Variants in NKIRAS1 observed in about 807,000 individuals in gnomAD.
NKIRAS1 encodes the protein NFKB inhibitor interacting Ras like 1.
A neutral mutation model predicts 19.8 loss-of-function variants in NKIRAS1; 16 were observed. That is an observed-to-expected ratio of 0.81 (90% CI 0.55 to 1.23). The LOEUF (loss-of-function observed/expected upper bound fraction) is 1.23, where lower values mean the gene tolerates loss of function less well. NKIRAS1 is among the 50% of genes most tolerant of loss of function. The pLI is 0.00. For synonymous variants in NKIRAS1, 88 were observed against 79.0 expected (o/e 1.11, Z -0.61); for missense variants, 184 against 220.0 (o/e 0.84, Z 1.04).
At chr3:23,946,045 G>T in intron 1 of NKIRAS1, 4 of 952,066 alleles carry the variant, frequency 4.2e-6, no homozygotes, top group South Asian at 9.7e-5. Context: ...GCGCGCGCGC[G>T]CTGGCTGGGA....
chr3:23,926,499 CTCT>C lies in NKIRAS1; in HGVS notation c.-139-15052_-139-15050del. Among the ~76,000 whole-genome samples the C allele has an allele frequency of 6.6e-6, 1 of 151,392 alleles. No individual in the cohort carries two copies. Among genetic ancestry groups the C allele is most frequent in the South Asian group, 2.1e-4 (1 of 4,792 alleles). On this transcript the variant is annotated intron_variant, in intron 1 of 4. Transcript: ENST00000421515. The surrounding 1 kb of genome is among the most constrained non-coding windows in gnomAD (Gnocchi z 4.3). Reference sequence around the variant, plus strand: ...CTTTCTCTCCTTCTCTTTCCTCTTCCTCTTCTTCCTCTTCTTTTTTTTTGTGTC... The same window carrying C: ...CTTTCTCTCCTTCTCTTTCCTCTTCCTCTTCCTCTTCTTTTTTTTTGTGTC...
intron 1 of NKIRAS1, among the ~76,000 whole-genome samples, chr3:23,928,788 A>G (rs1016849169): frequency 1.3e-5 from 2 of 151,324 alleles, no homozygotes; most frequent in Non-Finnish European, 2.9e-5. Flanking sequence ...GCTCAGGAGT[A>G]CAAGACCTGC....
chr3:23,936,789 G>A (rs1294528576), intron 1 of NKIRAS1, among the ~76,000 whole-genome samples: 21 of 152,248 alleles, frequency 1.4e-4, no homozygotes, highest in African/African-American at 4.8e-4. Flanking sequence ...CTTGTGATCC[G>A]CCTGCCTCGG....
upstream of NKIRAS1, chr3:23,920,038 G>A (rs755818088): frequency 1.7e-5 from 17 of 986,184 alleles, no homozygotes; most frequent in Non-Finnish European, 1.9e-5. Context: ...TGGCTTCATG[G>A]CATTCAGTGA....
At chr3:23,932,710 T>G (rs895590630) in intron 1 of NKIRAS1, among the ~76,000 whole-genome samples, 5 of 145,574 alleles carry the variant, frequency 3.4e-5, no homozygotes, top group Admixed American at 3.4e-4. Context: ...AAAAAAAAAG[T>G]AACTTCTATA....
chr3:23,933,513 C>T (rs889560852), intron 1 of NKIRAS1, among the ~76,000 whole-genome samples: 2 of 152,170 alleles, frequency 1.3e-5, no homozygotes, highest in Admixed American at 6.5e-5. Context: ...AATTGTCCAG[C>T]CCAAAATGTC....
chr3:23,911,953 G>A lies in NKIRAS1; in HGVS notation c.-139-503C>T, dbSNP rs1011160138. Among the ~76,000 whole-genome samples the A allele has an allele frequency of 3.9e-5, 6 of 151,958 alleles. No individual in the cohort carries two copies. The East Asian group carries it at 5.8e-4, about 15-fold the overall frequency. On this transcript the variant is annotated intron_variant, in intron 1 of 4. Coordinates refer to ENST00000425478, the MANE Select transcript of NKIRAS1 (RefSeq NM_020345.4). ...AAATTTTTGTATTTTTAGTAGAGACGGGGTTTCACTATGTTGGCCAGGATG... is the reference window on the plus strand; with the variant it reads ...AAATTTTTGTATTTTTAGTAGAGACAGGGTTTCACTATGTTGGCCAGGATG...
intron 1 of NKIRAS1, among the ~76,000 whole-genome samples, chr3:23,938,364 C>T (rs1435432028): frequency 6.6e-6 from 1 of 152,056 alleles, no homozygotes; most frequent in African/African-American, 2.4e-5. Context: ...CAGGAGCCAC[C>T]ACACCCAACA....
chr3:23,917,908 G>T (rs1466906873), upstream of NKIRAS1: 2 of 1,613,594 alleles, frequency 1.2e-6, no homozygotes, highest in Non-Finnish European at 1.7e-6. Flanking sequence ...GAAGCAGTCT[G>T]ATGTCATGCG....
chr3:23,913,173 A>G (rs950026964), intron 1 of NKIRAS1, among the ~76,000 whole-genome samples: 7 of 152,146 alleles, frequency 4.6e-5, no homozygotes. Context: ...AAAATTATAC[A>G]TTGTTTTGTA....
intron 4 of NKIRAS1, among the ~76,000 whole-genome samples, chr3:23,898,412 A>AG (rs1250971348): frequency 1.4e-4 from 21 of 152,036 alleles, no homozygotes; most frequent in African/African-American, 4.8e-4. Context: ...GAGTAAAAAA[A>AG]GCCAATCCCA....
Position 23,891,994 on chromosome 3 carries a change from C to G in NKIRAS1, c.*1101G>C, listed in dbSNP as rs937422657. On this transcript the variant is annotated 3_prime_UTR_variant, in exon 5 of 5. Coordinates refer to ENST00000425478, the MANE Select transcript of NKIRAS1 (RefSeq NM_020345.4). Reference sequence around the variant, plus strand: ...AAGAATTATACTGTAGCAGCAATAGCTGATTTGTAAGTATCGTCTTTTATA... The same window carrying G: ...AAGAATTATACTGTAGCAGCAATAGGTGATTTGTAAGTATCGTCTTTTATA... 5.3e-5 allele frequency: 8 copies of G among 152,244 alleles called. 1 individual carries two copies. The highest frequency in any genetic ancestry group is 6.5e-5 in the Admixed American group (1 of 15,294). The allele number at this position is 152,244 out of a possible 1,614,324, so 9.4% of individuals were successfully genotyped here.
intron 1 of NKIRAS1, among the ~76,000 whole-genome samples, chr3:23,932,465 G>A (rs1705334985): frequency 6.6e-6 from 1 of 152,014 alleles, no homozygotes; most frequent in African/African-American, 2.4e-5. Flanking sequence ...GAGGCGGGCG[G>A]ATCACCTGAG....
intron 4 of NKIRAS1, among the ~76,000 whole-genome samples, chr3:23,898,229 A>G (rs561412664): frequency 6.6e-6 from 1 of 152,288 alleles, no homozygotes; most frequent in East Asian, 1.9e-4. Flanking sequence ...TGAATATGTT[A>G]TCTATTCATA....
upstream of NKIRAS1, chr3:23,918,355 TGGTGGAG>T: frequency 6.9e-7 from 1 of 1,439,518 alleles, no homozygotes; most frequent in Admixed American, 2.5e-5. Flanking sequence ...GAAGTATTTT[TGGTGGAG>T]TATTAGTGAC....
In NKIRAS1 at chr3:23,935,002, C is replaced by T. The variant is rs987696041; in HGVS notation, c.-140+11321G>A. On this transcript the variant is annotated intron_variant, in intron 1 of 4. Transcript: ENST00000421515. ...GCAGGACCCGCTCCAATCCAATCCA[C>T]CCTCTATTTCCCTTTGTACCTTGAA... 6.6e-5 allele frequency among the ~76,000 whole-genome samples: 10 copies of T among 152,202 alleles called. 1 individual carries two copies. The East Asian group carries it at 1.7e-3, about 26-fold the overall frequency.
chr3:23,932,421 T>A (rs1705334131), intron 1 of NKIRAS1, among the ~76,000 whole-genome samples: 1 of 152,108 alleles, frequency 6.6e-6, no homozygotes, highest in Admixed American at 6.6e-5. Context: ...ACAAAATAAC[T>A]TCTAGGCCTG....
At chr3:23,893,573 G>A (rs778601849) in intron 4 of NKIRAS1, among the ~76,000 whole-genome samples, 10 of 152,084 alleles carry the variant, frequency 6.6e-5, no homozygotes, top group East Asian at 1.9e-4. Context: ...TTGGGAGGCC[G>A]AGGCTCGTGG....
In NKIRAS1 at chr3:23,905,947, C is replaced by T. The variant is rs544841550; in HGVS notation, c.94+4864G>A. The stretch of plus-strand genomic sequence containing the variant: ...GCTGAGGCAGGCAGATTGCTTGAGG[C>T]CAGGAGTTCAAGACCAGCTGGAGCA... On this transcript the variant is annotated intron_variant, in intron 3 of 4. Transcript: ENST00000425478. 8.2e-4 allele frequency among the ~76,000 whole-genome samples: 125 copies of T among 152,068 alleles called. 1 individual carries two copies. The highest frequency in any genetic ancestry group is 2.8e-3 in the African/African-American group (117 of 41,522).
Sources: gnomAD v4.1 joint callset for allele counts (sites outside exome capture counted in the v4.1 genomes callset) on GRCh38, gnomAD v4.1.1 for gene constraint, Gnocchi (gnomAD v3.1) non-coding constraint, MANE v1.5 for transcripts, NCBI Gene and HGNC (gene_info 2026-07-23, HGNC 2026-07-21) for gene names.